HUWE1: variants seen among roughly 807,000 people sequenced by gnomAD.
HUWE1 encodes HECT, UBA and WWE domain containing E3 ubiquitin protein ligase 1, also known as E3 ubiquitin-protein ligase HUWE1.
A neutral mutation model predicts 299.4 loss-of-function variants in HUWE1; 18 were observed. The ratio of observed to expected loss-of-function variants is 0.06; its 90% CI spans 0.04 to 0.09. The LOEUF (loss-of-function observed/expected upper bound fraction) is 0.09. Among genes scored for constraint, HUWE1 ranks in the 10% least tolerant of loss-of-function variants. The pLI, the probability that HUWE1 is intolerant of heterozygous loss-of-function variation, is 1.00. For synonymous variants in HUWE1, 1,317 were observed against 1,286.1 expected (o/e 1.02, Z -0.51); for missense variants, 1,832 against 3,462.3 (o/e 0.53, Z 11.82).
chrX:53,573,380 C>T (rs782175728), intron 47 of HUWE1, among the ~76,000 whole-genome samples: 3 of 111,567 alleles, frequency 2.7e-5, no homozygotes, highest in Non-Finnish European at 3.8e-5. Flanking sequence ...AAGTGATTCC[C>T]GCAATCTCTG....
intron 83 of HUWE1, 182 bp from the exon 84 acceptor site, chrX:53,533,593 G>A (rs375833416): frequency 7.2e-5 from 34 of 472,242 alleles, no homozygotes; most frequent in Non-Finnish European, 7.9e-5. Flanking sequence ...CTGGCCATCA[G>A]GCACCAAAAC....
Position 53,538,348 on chromosome X carries a change from A to G in HUWE1, c.11985T>C (p.Asp3995=), listed in dbSNP as rs781856800. The change falls in exon 77 of 84, where the codon GAT becomes GAC. Residue 3995 remains aspartate, a synonymous_variant. Transcript: ENST00000262854. The stretch of plus-strand genomic sequence containing the variant: ...TCCAGGACACATACTTGCGCTTGAC[A>G]TCAAAGTCGAGGACACGAATGTAGT... ...LVDYIRVLDF[D]VKRKYFRQEL... is the part of the protein sequence containing the mutation. 4 of 1,196,039 alleles carry G rather than the reference A, an allele frequency of 3.3e-6. No homozygotes were observed. Among genetic ancestry groups the G allele is most frequent in the Admixed American group, 4.4e-5 (2 of 45,662 alleles).
chrX:53,549,907 C>T (rs1482308712), intron 66 of HUWE1, among the ~76,000 whole-genome samples: 3 of 110,012 alleles, frequency 2.7e-5, no homozygotes, highest in Non-Finnish European at 3.8e-5. Context: ...TGCGCGCCAC[C>T]ACACCCGACT....
In HUWE1 at chrX:53,533,715, G is replaced by A. The variant is rs782548752; in HGVS notation, c.13022+292C>T. ...AGTCACTGGTAATCGGACCTCTGCT[G>A]AGCTCTTTAGACTTTTGCTCCCTGC... is the stretch of plus-strand genomic sequence containing the variant. On this transcript the variant is annotated intron_variant, in intron 83 of 83. Coordinates refer to ENST00000262854, the MANE Select transcript of HUWE1 (RefSeq NM_031407.7). The A allele has an allele frequency of 5.1e-4, 223 of 437,140 alleles. 2 individuals are homozygous for A. In the South Asian group the frequency reaches 6.3e-3, roughly 12 times the overall value. 36.0% of individuals were successfully genotyped at this position (437,140 alleles called of 1,213,427 possible).
chrX:53,557,473 A>C (rs2062074896), intron 59 of HUWE1, 46 bp from the exon 60 acceptor site: 1 of 1,026,867 alleles, frequency 9.7e-7, no homozygotes. Context: ...GCAAGCACCT[A>C]AGATAGAGGT....
Position 53,550,936 on chromosome X carries a change from C to T in HUWE1, c.9350G>A (p.Ser3117Asn). Residue 3117 changes from serine to asparagine, a missense_variant, in exon 65 of 84, where the codon AGC (serine) becomes AAC (asparagine). Coordinates refer to ENST00000262854, the MANE Select transcript of HUWE1 (RefSeq NM_031407.7). ...GAGAATAGCAGAGAGTGCGGAGGTG[C>T]TACTGTGCCCAAACAGACGCTCATG... ...LMHERLFGHSSTSALSAILRS... is the reference protein window; with the variant it reads ...LMHERLFGHSNTSALSAILRS... 1 of 1,211,920 alleles carries T rather than the reference C, an allele frequency of 8.3e-7. No individual in the cohort carries two copies.
At chrX:53,588,263 A>G (rs868991241) in intron 37 of HUWE1, 119 bp downstream of exon 37, 3 of 717,117 alleles carry the variant, frequency 4.2e-6, no homozygotes, top group Middle Eastern at 3.7e-4. Context: ...AACTGGGCTC[A>G]TGAAATGCAG....
Position 53,536,683 on chromosome X carries a change from G to A in HUWE1, c.12138-16C>T, listed in dbSNP as rs781829221. On this transcript the variant is annotated splice_polypyrimidine_tract_variant and intron_variant, in intron 78 of 83. Transcript: ENST00000262854. Reference sequence around the variant, plus strand: ...TACTATATACCTGCATAAGAAAGCAGAAGCAGAAAAGAGCTGTGCAGAAAA... The same window carrying A: ...TACTATATACCTGCATAAGAAAGCAAAAGCAGAAAAGAGCTGTGCAGAAAA... The A allele has an allele frequency of 3.3e-6, 4 of 1,201,574 alleles. No individual in the cohort carries two copies. Among genetic ancestry groups the A allele is most frequent in the Non-Finnish European group, 4.5e-6 (4 of 887,382 alleles).
At chrX:53,562,074 G>A in intron 54 of HUWE1, 37 bp downstream of exon 54, 3 of 1,211,023 alleles carry the variant, frequency 2.5e-6, no homozygotes, top group Non-Finnish European at 2.2e-6. Flanking sequence ...CCATGGAAGA[G>A]GTCATCTGAA....
chrX:53,588,278 C>CA, intron 37 of HUWE1, 104 bp downstream of exon 37: 2 of 847,465 alleles, frequency 2.4e-6, no homozygotes, highest in Non-Finnish European at 3.4e-6. Context: ...ATGCAGGACT[C>CA]ATGCCTTATT....
rs782241069 is a variant in HUWE1, at chrX:53,632,887, T to C, written c.568-323A>G. Among the ~76,000 whole-genome samples the C allele has an allele frequency of 4.5e-5, 5 of 112,294 alleles. No homozygotes were observed. In the East Asian group the frequency reaches 1.4e-3, roughly 31 times the overall value. On this transcript the variant is annotated intron_variant, in intron 8 of 83. Coordinates refer to ENST00000262854, the MANE Select transcript of HUWE1 (RefSeq NM_031407.7). ...CCAAGGGGGAAAAGAGGGGCAAGACTGCCAAGCAGTAATGAATAAGAATCC... is the reference window on the plus strand; with the variant it reads ...CCAAGGGGGAAAAGAGGGGCAAGACCGCCAAGCAGTAATGAATAAGAATCC...
chrX:53,607,496 G>C, intron 25 of HUWE1, 27 bp downstream of exon 25: 1 of 1,195,226 alleles, frequency 8.4e-7, no homozygotes, highest in Admixed American at 2.2e-5. Context: ...AGAAAGAAAT[G>C]AAAACATTTG....
chrX:53,538,122 G>C (rs1556914806), intron 77 of HUWE1, among the ~76,000 whole-genome samples: 1 of 111,392 alleles, frequency 9.0e-6, no homozygotes, highest in Non-Finnish European at 1.9e-5. Context: ...ATGTGACTCT[G>C]TTTTGCTGAT....
chrX:53,632,014 T>C, intron 9 of HUWE1: 1 of 326,960 alleles, frequency 3.1e-6, no homozygotes, highest in Non-Finnish European at 5.6e-6. Context: ...ATTTATTTAT[T>C]GAATAGTATA....
chrX:53,580,558 G>A (rs1332976932), intron 43 of HUWE1, among the ~76,000 whole-genome samples: 3 of 111,866 alleles, frequency 2.7e-5, no homozygotes, highest in African/African-American at 9.8e-5. Flanking sequence ...TTAACTATAT[G>A]TAAAGCCTAC....
At chrX:53,617,640 C>T (rs2065876469) in intron 19 of HUWE1, among the ~76,000 whole-genome samples, 194 bp from the exon 20 acceptor site, 1 of 111,711 alleles carries the variant, frequency 9.0e-6, no homozygotes, top group Non-Finnish European at 1.9e-5. Flanking sequence ...ACTACACTTA[C>T]AGGATTTTTA....
rs782405352 is a variant in HUWE1 at position 53,675,100 on chromosome X, C to T, written c.-25+4949G>A. On this transcript the variant is annotated intron_variant, in intron 3 of 83. Transcript: ENST00000262854. ...CTCGAATCCTAGTTTATATGAAGTA[C>T]AGCTGTTTCTTTACATTGTACTTGA... Among the ~76,000 whole-genome samples, 7 of 111,283 alleles carry T rather than the reference C, an allele frequency of 6.3e-5. No individual in the cohort carries two copies. The East Asian group carries it at 2.0e-3, about 31-fold the overall frequency.
chrX:53,541,144 G>C (rs1384735161), intron 74 of HUWE1, among the ~76,000 whole-genome samples: 6 of 112,235 alleles, frequency 5.3e-5, no homozygotes, highest in African/African-American at 1.9e-4. Context: ...GCTAACAATA[G>C]CATTCATCGT....
chrX:53,631,045 A>G lies in HUWE1; in HGVS notation c.763-11T>C, dbSNP rs377352273. On this transcript the variant is annotated splice_polypyrimidine_tract_variant and intron_variant, in intron 11 of 83. Transcript: ENST00000262854. ...TGTAAATAACAGCATCTGTAGAGAG[A>G]TAAGACATACATTTTAAAAACATCA... 5 of 1,014,217 alleles carry G rather than the reference A, an allele frequency of 4.9e-6. No homozygotes were observed. The highest frequency in any genetic ancestry group is 1.9e-5 in the South Asian group (1 of 52,740). 83.6% of individuals were successfully genotyped at this position (1,014,217 alleles called of 1,213,427 possible). A position where few individuals can be genotyped will look rare whatever the true frequency, so the allele number is the denominator to read the frequency against.
Sources: gnomAD v4.1 joint callset for allele counts (sites outside exome capture counted in the v4.1 genomes callset) on GRCh38, gnomAD v4.1.1 for gene constraint, MANE v1.5 for transcripts, NCBI Gene and HGNC (gene_info 2026-07-23, HGNC 2026-07-21) for gene names.